SLC44A1: variants seen among roughly 807,000 people sequenced by gnomAD.
The protein encoded by SLC44A1 is choline transporter-like protein 1.
A neutral mutation model predicts 79.3 loss-of-function variants in SLC44A1; 26 were observed. The observed-to-expected ratio is 0.33, with a 90% CI of 0.24 to 0.46. The LOEUF is 0.46. Ranked by LOEUF, SLC44A1 falls within the 20% of genes least tolerant of loss-of-function variation. SLC44A1 has a pLI of 1.00. For missense variants in SLC44A1, 688 were observed against 798.1 expected (o/e 0.86, Z 1.66); for synonymous variants, 263 against 286.2 (o/e 0.92, Z 0.82).
intron 15 of SLC44A1, among the ~76,000 whole-genome samples, chr9:105,417,364 CA>C (rs1829185025): frequency 6.6e-6 from 1 of 152,200 alleles, no homozygotes; most frequent in Non-Finnish European, 1.5e-5. Flanking sequence ...GACCTTCCCT[CA>C]TGGAAGAAGG....
chr9:105,418,770 GA>G (rs1410610589), intron 15 of SLC44A1, among the ~76,000 whole-genome samples: 1 of 152,190 alleles, frequency 6.6e-6, no homozygotes, highest in Non-Finnish European at 1.5e-5. Context: ...CCCAAATCAG[GA>G]GAGAATCTCT....
chr9:105,310,391 G>A lies in SLC44A1; in HGVS notation c.269+525G>A, dbSNP rs186843833. ...TCAATATTCATCTTTTAGATTTCAT[G>A]AAATTCCTGACTTAATTGACTGTTT... On this transcript the variant is annotated intron_variant, in intron 3 of 15. Coordinates refer to ENST00000374720, the MANE Select transcript of SLC44A1 (RefSeq NM_080546.5). 3.6e-3 allele frequency among the ~76,000 whole-genome samples: 549 copies of A among 152,170 alleles called. 2 individuals carry two copies. Among genetic ancestry groups the A allele is most frequent in the African/African-American group, 0.012 (508 of 41,546 alleles).
In SLC44A1 at chr9:105,392,308, T is replaced by C; in HGVS notation, c.*3252T>C. 3 of 984,644 alleles carry C rather than the reference T, an allele frequency of 3.0e-6. No individual in the cohort carries two copies. Among genetic ancestry groups the C allele is most frequent in the Non-Finnish European group, 3.6e-6 (3 of 829,456 alleles). 61.0% of individuals were successfully genotyped at this position (984,644 alleles called of 1,614,324 possible). A position where few individuals can be genotyped will look rare whatever the true frequency, so the allele number is the denominator to read the frequency against. On this transcript the variant is annotated 3_prime_UTR_variant, in exon 16 of 16. Coordinates refer to ENST00000374720, the MANE Select transcript of SLC44A1 (RefSeq NM_080546.5). The stretch of plus-strand genomic sequence containing the variant: ...AACTGTATGTTGGTACCCAAACTTT[T>C]TCTATAATGGTTAAGGAGGAGGCAC...
At chr9:105,246,840 C>G (rs762201008) in intron 1 of SLC44A1, among the ~76,000 whole-genome samples, 1 of 152,214 alleles carries the variant, frequency 6.6e-6, no homozygotes, top group Non-Finnish European at 1.5e-5. Flanking sequence ...GTGGGTCTTG[C>G]ATTTGTCTAG....
At chr9:105,251,287 G>C (rs1829580677) in intron 1 of SLC44A1, among the ~76,000 whole-genome samples, 1 of 152,138 alleles carries the variant, frequency 6.6e-6, no homozygotes, top group African/African-American at 2.4e-5. Context: ...CTCGAGTCCT[G>C]TAGGGAACCT....
Position 105,394,138 on chromosome 9 carries a change from A to G in SLC44A1, c.*5082A>G. The G allele has an allele frequency of 1.0e-6, 1 of 985,316 alleles. No individual in the cohort carries two copies. The highest frequency in any genetic ancestry group is 1.2e-6 in the Non-Finnish European group (1 of 829,908). 61.0% of individuals were successfully genotyped at this position (985,316 alleles called of 1,614,324 possible). A position where few individuals can be genotyped will look rare whatever the true frequency, so the allele number is the denominator to read the frequency against. On this transcript the variant is annotated 3_prime_UTR_variant, in exon 16 of 16. Coordinates refer to ENST00000374720, the MANE Select transcript of SLC44A1 (RefSeq NM_080546.5). ...TCAGACGGCCAGCTTCCACCCCTGT[A>G]CCCCCTCAGGGGCTAATGAACCCAA... is the stretch of plus-strand genomic sequence containing the variant.
intron 15 of SLC44A1, chr9:105,386,257 AC>A: frequency 3.1e-6 from 3 of 976,320 alleles, no homozygotes; most frequent in Non-Finnish European, 3.7e-6. Flanking sequence ...GGATATTGTC[AC>A]TATAGCATAG....
intron 15 of SLC44A1, among the ~76,000 whole-genome samples, chr9:105,426,513 A>G (rs1829324706): frequency 6.6e-6 from 1 of 152,222 alleles, no homozygotes; most frequent in South Asian, 2.1e-4. Flanking sequence ...ATGAAATAAT[A>G]TCAATTGCTA....
intron 1 of SLC44A1, among the ~76,000 whole-genome samples, chr9:105,269,528 A>G (rs1254620769): frequency 6.6e-6 from 1 of 152,190 alleles, no homozygotes; most frequent in Non-Finnish European, 1.5e-5. Context: ...TTAGCCAGGA[A>G]TGGCTTACTC....
intron 15 of SLC44A1, among the ~76,000 whole-genome samples, chr9:105,428,119 C>T (rs1829346034): frequency 1.3e-5 from 2 of 152,024 alleles, no homozygotes; most frequent in South Asian, 4.1e-4. Context: ...GATAATTTTA[C>T]CTATAATCTA....
intron 15 of SLC44A1, among the ~76,000 whole-genome samples, chr9:105,427,253 A>G (rs758891862): frequency 1.4e-4 from 22 of 151,984 alleles, no homozygotes; most frequent in South Asian, 2.1e-4. Flanking sequence ...TTCCCTTAAC[A>G]TATTAGAATT....
chr9:105,401,428 C>T (rs1828956531), downstream of SLC44A1, among the ~76,000 whole-genome samples: 2 of 151,858 alleles, frequency 1.3e-5, no homozygotes, highest in Admixed American at 1.3e-4. Flanking sequence ...TAGAATATAC[C>T]TAAAATGAAT....
chr9:105,325,850 C>T (rs375681672), intron 3 of SLC44A1, among the ~76,000 whole-genome samples: 7 of 152,108 alleles, frequency 4.6e-5, no homozygotes, highest in Non-Finnish European at 7.3e-5. Context: ...TGAACAACTC[C>T]GTCAAATATA....
intron 9 of SLC44A1, among the ~76,000 whole-genome samples, chr9:105,363,322 C>G (rs964535541): frequency 2.6e-5 from 4 of 152,058 alleles, no homozygotes; most frequent in African/African-American, 9.7e-5. Context: ...GCCACCATGC[C>G]TGGCTAATTT....
chr9:105,244,667 T>TCGCCGCCGC lies in SLC44A1; in HGVS notation c.-199_-191dup, dbSNP rs1020520623. The TCGCCGCCGC allele has an allele frequency of 3.9e-6, 1 of 255,176 alleles. No homozygotes were observed. Among genetic ancestry groups the TCGCCGCCGC allele is most frequent in the Non-Finnish European group, 7.4e-6 (1 of 135,780 alleles). The allele number at this position is 255,176 out of a possible 1,614,324, so 15.8% of individuals were successfully genotyped here. A position where few individuals can be genotyped will look rare whatever the true frequency, so the allele number is the denominator to read the frequency against. On this transcript the variant is annotated 5_prime_UTR_variant, in exon 1 of 16. Coordinates refer to ENST00000374720, the MANE Select transcript of SLC44A1 (RefSeq NM_080546.5). The stretch of plus-strand genomic sequence containing the variant: ...CAGAGCAGGAGACGCGTAGCCGCCG[T>TCGCCGCCGC]CGCCGCCGCCGGGGGATGTGGCCGG...
At chr9:105,293,636 A>C (rs776094921) in intron 1 of SLC44A1, among the ~76,000 whole-genome samples, 2 of 152,216 alleles carry the variant, frequency 1.3e-5, no homozygotes, top group African/African-American at 2.4e-5. Context: ...CCTGCCTGCC[A>C]TATCACTGTT....
At chr9:105,416,402 G>T (rs1356143620) in intron 15 of SLC44A1, among the ~76,000 whole-genome samples, 1 of 152,148 alleles carries the variant, frequency 6.6e-6, no homozygotes, top group Non-Finnish European at 1.5e-5. Flanking sequence ...ACAGTTGAGG[G>T]ATGGAGAGGG....
intron 6 of SLC44A1, among the ~76,000 whole-genome samples, chr9:105,357,582 T>A (rs1827657830): frequency 6.6e-6 from 1 of 152,188 alleles, no homozygotes. Context: ...AGAAACGTAT[T>A]TCCCATGCAA....
At chr9:105,399,968 G>A (rs948616387), downstream of SLC44A1, among the ~76,000 whole-genome samples, 2 of 152,064 alleles carry the variant, frequency 1.3e-5, no homozygotes, top group African/African-American at 4.8e-5. Context: ...GGCCGACATG[G>A]GTGGATCACC....
Sources: allele counts gnomAD v4.1 joint callset (sites outside exome capture counted in the v4.1 genomes callset), GRCh38; gene constraint gnomAD v4.1.1; transcripts MANE v1.5; gene names NCBI Gene and HGNC (gene_info 2026-07-23, HGNC 2026-07-21).